The following SGCG variants were observed in gnomAD, a reference collection of about 807,000 sequenced individuals.
SGCG encodes gamma-sarcoglycan.
Under a neutral mutation model 29.3 loss-of-function variants are expected in SGCG, and 26 were observed. The observed-to-expected ratio is 0.89, with a 90% CI of 0.65 to 1.23. The LOEUF is 1.23. Among genes scored for constraint, SGCG ranks in the 50% most tolerant of loss-of-function variants. The pLI is 0.00. For synonymous variants in SGCG, 145 were observed against 129.7 expected (o/e 1.12, Z -0.80); for missense variants, 353 against 356.0 (o/e 0.99, Z 0.07).
intron 3 of SGCG, among the ~76,000 whole-genome samples, chr13:23,234,941 T>C (rs1879252675): frequency 1.3e-5 from 2 of 152,198 alleles, no homozygotes; most frequent in Non-Finnish European, 2.9e-5. Context: ...GCCTCAGTAG[T>C]TTAGACCATA....
In SGCG at chr13:23,243,148, T is replaced by C. The variant is rs556319809; in HGVS notation, c.298-7482T>C. Among the ~76,000 whole-genome samples the C allele has an allele frequency of 8.5e-5, 13 of 152,284 alleles. No individual in the cohort carries two copies. In the South Asian group the frequency reaches 2.7e-3, roughly 32 times the overall value. On this transcript the variant is annotated intron_variant, in intron 3 of 7. Transcript: ENST00000218867. ...TCTGTCAATTAAAAGAGCTTTACCG[T>C]GTGAACACAGAATACCCAGCTAGCC...
chr13:23,317,181 T>G (rs1248198217), intron 6 of SGCG, among the ~76,000 whole-genome samples: 1 of 147,466 alleles, frequency 6.8e-6, no homozygotes, highest in Non-Finnish European at 1.5e-5. Flanking sequence ...GGCAACAGAG[T>G]GAGACTCCGT....
intron 1 of SGCG, among the ~76,000 whole-genome samples, chr13:23,184,967 AATT>A (rs1168389614): frequency 1.3e-5 from 2 of 152,338 alleles, no homozygotes; most frequent in East Asian, 3.9e-4. Context: ...ATTGTTCTGA[AATT>A]ATTATCCTTG....
intron 4 of SGCG, among the ~76,000 whole-genome samples, chr13:23,269,494 C>G (rs1236017348): frequency 2.6e-5 from 4 of 152,202 alleles, no homozygotes; most frequent in Non-Finnish European, 5.9e-5. Context: ...CTCACCCACA[C>G]CCTCTCAGTA....
At chr13:23,287,164 G>A (rs188941560) in intron 5 of SGCG, among the ~76,000 whole-genome samples, 2 of 152,310 alleles carry the variant, frequency 1.3e-5, no homozygotes, top group African/African-American at 4.8e-5. Flanking sequence ...ATGGTAAGAG[G>A]AAGGTAATCT....
chr13:23,278,286 A>C (rs1308864852), intron 4 of SGCG, among the ~76,000 whole-genome samples: 1 of 152,090 alleles, frequency 6.6e-6, no homozygotes, highest in Non-Finnish European at 1.5e-5. Context: ...TCTACTAAAA[A>C]TACAAAATTA....
At chr13:23,227,563 T>A (rs945243438) in intron 2 of SGCG, among the ~76,000 whole-genome samples, 1 of 152,184 alleles carries the variant, frequency 6.6e-6, no homozygotes, top group East Asian at 1.9e-4. Context: ...ACAAACCGTT[T>A]GGCACACAAC....
At chr13:23,171,593 T>A in the SGCG span, among the ~76,000 whole-genome samples, 1 of 152,232 alleles carries the variant, frequency 6.6e-6, no homozygotes, top group Non-Finnish European at 1.5e-5. Context: ...CCAGCCTTTT[T>A]GGCACCAGAG....
At chr13:23,235,177 T>C (rs1053742623) in intron 3 of SGCG, among the ~76,000 whole-genome samples, 15 of 152,126 alleles carry the variant, frequency 9.9e-5, no homozygotes, top group African/African-American at 3.1e-4. Flanking sequence ...TTGGCCAACA[T>C]GGATAAACCC....
At chr13:23,301,785 G>C (rs1882169258) in intron 6 of SGCG, among the ~76,000 whole-genome samples, 1 of 151,936 alleles carries the variant, frequency 6.6e-6, no homozygotes, top group Admixed American at 6.6e-5. Flanking sequence ...CAGCTACTTG[G>C]GAGGCTGAGG....
chr13:23,184,029 G>A (rs972248804), intron 1 of SGCG, among the ~76,000 whole-genome samples: 8 of 152,184 alleles, frequency 5.3e-5, no homozygotes, highest in African/African-American at 9.7e-5. Context: ...CTCCATACTG[G>A]AATGCATTTG....
intron 1 of SGCG, among the ~76,000 whole-genome samples, chr13:23,190,897 G>GT (rs1459533169): frequency 6.6e-6 from 1 of 152,072 alleles, no homozygotes; most frequent in African/African-American, 2.4e-5. Flanking sequence ...GTGTTAAAGA[G>GT]TTTTTTGAAT....
intron 2 of SGCG, among the ~76,000 whole-genome samples, chr13:23,208,854 ATTAGT>A (rs1192962280): frequency 1.3e-5 from 2 of 152,230 alleles, no homozygotes; most frequent in African/African-American, 2.4e-5. Flanking sequence ...ACTATGCAAT[ATTAGT>A]TTAGTTATAG....
At chr13:23,249,616 G>A (rs1043403787) in intron 3 of SGCG, among the ~76,000 whole-genome samples, 12 of 152,148 alleles carry the variant, frequency 7.9e-5, no homozygotes, top group Admixed American at 2.0e-4. Flanking sequence ...AACGTACATG[G>A]TAAAATTGAT....
At chr13:23,249,520 G>A (rs369456288) in intron 3 of SGCG, among the ~76,000 whole-genome samples, 1 of 151,260 alleles carries the variant, frequency 6.6e-6, no homozygotes, top group Non-Finnish European at 1.5e-5. Flanking sequence ...ATTCATACCT[G>A]CTTATTATAA....
At chr13:23,179,201 G>A (rs189574913), upstream of SGCG, among the ~76,000 whole-genome samples, 3 of 152,324 alleles carry the variant, frequency 2.0e-5, no homozygotes, top group East Asian at 5.8e-4. Context: ...GTGTGTGTGT[G>A]AGTTACAAAC....
At chr13:23,189,049 T>C (rs541935372) in intron 1 of SGCG, among the ~76,000 whole-genome samples, 4 of 152,228 alleles carry the variant, frequency 2.6e-5, no homozygotes, top group Non-Finnish European at 5.9e-5. Flanking sequence ...ATCTCTGCCA[T>C]TCTTCCTAGG....
intron 6 of SGCG, among the ~76,000 whole-genome samples, chr13:23,299,078 T>C (rs755064272): frequency 8.5e-5 from 13 of 152,100 alleles, no homozygotes; most frequent in Admixed American, 3.9e-4. Flanking sequence ...TTGGCAATTT[T>C]ATCCCCATTT....
At chr13:23,310,299 G>A (rs1566042449) in intron 6 of SGCG, among the ~76,000 whole-genome samples, 2 of 151,826 alleles carry the variant, frequency 1.3e-5, no homozygotes, top group African/African-American at 2.4e-5. Flanking sequence ...TATTAGCCAG[G>A]GTGGTCTCGA....
Sources: gnomAD v4.1 joint callset for allele counts (sites outside exome capture counted in the v4.1 genomes callset) on GRCh38, gnomAD v4.1.1 for gene constraint, MANE v1.5 for transcripts, NCBI Gene and HGNC (gene_info 2026-07-23, HGNC 2026-07-21) for gene names.